Variants in B3GAT2 observed in about 807,000 individuals in gnomAD.
B3GAT2 encodes the protein beta-1,3-glucuronyltransferase 2.
In B3GAT2, 26 loss-of-function variants were observed where a neutral mutation model predicts 27.8. The observed-to-expected ratio is 0.93, with a 90% confidence interval of 0.68 to 1.30. The LOEUF (loss-of-function observed/expected upper bound fraction) is 1.30. B3GAT2 is among the 50% of genes most tolerant of loss of function. The pLI, the probability that B3GAT2 is intolerant of heterozygous loss-of-function variation, is 0.00. For synonymous variants in B3GAT2, 218 were observed against 195.1 expected (o/e 1.12, Z -0.98); for missense variants, 458 against 459.0 (o/e 1.00, Z 0.02).
At chr6:70,944,901 C>G (rs144002093) in intron 1 of B3GAT2, among the ~76,000 whole-genome samples, 12,185 of 152,246 alleles carry the variant, frequency 0.08, 596 homozygotes, top group Non-Finnish European at 0.11. Flanking sequence ...CAGAAAGCAG[C>G]ATTCGCGGTT....
rs1424604053 is a variant in B3GAT2, at chr6:70,856,883, G to A, written c.*4780C>T. The A allele has an allele frequency of 1.5e-5, 24 of 1,613,128 alleles. No homozygotes were observed. Among genetic ancestry groups the A allele is most frequent in the Non-Finnish European group, 2.0e-5 (24 of 1,179,418 alleles). ...GGGGACACCCTCTGCACCAGCAGCT[G>A]CAACCCTGTCTACAGTAACATCTGG... On this transcript the variant is annotated 3_prime_UTR_variant, in exon 4 of 4. Coordinates refer to ENST00000230053, the MANE Select transcript of B3GAT2 (RefSeq NM_080742.3).
At chr6:70,910,168 C>T (rs533951586) in intron 1 of B3GAT2, among the ~76,000 whole-genome samples, 18 of 152,146 alleles carry the variant, frequency 1.2e-4, no homozygotes, top group South Asian at 2.1e-4. Flanking sequence ...CCACTGTGCC[C>T]GGCCCCTCTT....
At position 70,956,412 on chromosome 6, in the gene B3GAT2, G is replaced by A. The variant is rs1765659057; in HGVS notation, c.18C>T (p.Phe6=). 6.4e-7 allele frequency: 1 copy of A among 1,551,488 alleles called. No individual in the cohort carries two copies. Among genetic ancestry groups the A allele is most frequent in the African/African-American group, 1.4e-5 (1 of 73,054 alleles). The part of the protein sequence containing the change: MKSAL[F]TRFFILLPWI... ...AGGGCAGGAGGATAAAGAAGCGGGT[G>A]AAAAGCGCGGACTTCATGGTGCACG... is the stretch of plus-strand genomic sequence containing the variant. The change falls in exon 1 of 4, where the codon TTC becomes TTT. Residue 6 remains phenylalanine (F), a synonymous_variant. Coordinates refer to ENST00000230053, the MANE Select transcript of B3GAT2 (RefSeq NM_080742.3).
rs78952882 is a variant in B3GAT2, at chr6:70,902,363, G to A, written c.592-8091C>T. ...AAAAAAAAGTAGATGTGGAGAAAGA[G>A]GGACCCTTGTACATGGTTGGTAGAA... On this transcript the variant is annotated intron_variant, in intron 1 of 3. Coordinates refer to ENST00000230053, the MANE Select transcript of B3GAT2 (RefSeq NM_080742.3). Among the ~76,000 whole-genome samples the A allele has an allele frequency of 3.6e-3, 542 of 152,116 alleles. 16 individuals carry two copies. In the East Asian group the frequency reaches 0.092, roughly 26 times the overall value.
At chr6:70,879,167 G>A (rs758453818) in intron 2 of B3GAT2, among the ~76,000 whole-genome samples, 12 of 151,150 alleles carry the variant, frequency 7.9e-5, no homozygotes, top group African/African-American at 1.7e-4. Context: ...TGGCTAAAGC[G>A]CTTTCCTTAA....
chr6:70,873,358 T>G (rs1771966825), intron 2 of B3GAT2, among the ~76,000 whole-genome samples: 1 of 144,470 alleles, frequency 6.9e-6, no homozygotes, highest in South Asian at 2.2e-4. Context: ...CTTTTTTTCC[T>G]TCCAGTACTT....
chr6:70,924,025 G>A (rs1014475928), intron 1 of B3GAT2, among the ~76,000 whole-genome samples: 2 of 152,096 alleles, frequency 1.3e-5, no homozygotes, highest in African/African-American at 4.8e-5. Flanking sequence ...TGTACTTAAT[G>A]GGTACAATGG....
At chr6:70,930,806 C>T (rs1773049534) in intron 1 of B3GAT2, among the ~76,000 whole-genome samples, 1 of 152,144 alleles carries the variant, frequency 6.6e-6, no homozygotes, top group African/African-American at 2.4e-5. Context: ...ACTAGAAATA[C>T]CATTTGACCC....
chr6:70,952,086 CAA>C (rs1765587166), intron 1 of B3GAT2, among the ~76,000 whole-genome samples: 1 of 152,026 alleles, frequency 6.6e-6, no homozygotes, highest in Non-Finnish European at 1.5e-5. Context: ...GGAAAGCACA[CAA>C]ATACTTCTGA....
chr6:70,950,651 G>C (rs1251557433), intron 1 of B3GAT2, among the ~76,000 whole-genome samples: 1 of 152,136 alleles, frequency 6.6e-6, no homozygotes, highest in South Asian at 2.1e-4. Flanking sequence ...ATAGATCAGA[G>C]GTAAACAACT....
chr6:70,861,760 A>G lies in B3GAT2; in HGVS notation c.886-11T>C, dbSNP rs1266639003. ...GTGCCACACGAGAACCTGAAGGGGA[A>G]GGAAATAGCTTGGGTAGCGCACTCT... On this transcript the variant is annotated splice_polypyrimidine_tract_variant and intron_variant, in intron 3 of 3. Coordinates refer to ENST00000230053, the MANE Select transcript of B3GAT2 (RefSeq NM_080742.3). 4.3e-6 allele frequency: 7 copies of G among 1,613,978 alleles called. No individual in the cohort carries two copies. The highest frequency in any genetic ancestry group is 5.9e-6 in the Non-Finnish European group (7 of 1,179,972).
rs570801871 is a variant in B3GAT2, at chr6:70,955,450, C to T, written c.591+389G>A. 1.4e-3 allele frequency among the ~76,000 whole-genome samples: 167 copies of T among 120,404 alleles called. 2 individuals are homozygous for T. The highest frequency in any genetic ancestry group is 5.0e-3 in the African/African-American group (163 of 32,598). 79.0% of individuals were successfully genotyped at this position (120,404 alleles called of 152,430 possible). ...CCCTCCACCGCCACCCGCTACGGTG[C>T]AGGTCCCTCCCTGATCTCCTATCGC... On this transcript the variant is annotated intron_variant, in intron 1 of 3. Transcript: ENST00000230053.
rs539104208 is a variant in B3GAT2 at position 70,863,152 on chromosome 6, A to AC, written c.737-1175dup. 1.2e-4 allele frequency among the ~76,000 whole-genome samples: 18 copies of AC among 152,264 alleles called. No homozygotes were observed. In the East Asian group the frequency reaches 3.1e-3, roughly 26 times the overall value. On this transcript the variant is annotated intron_variant, in intron 2 of 3. Transcript: ENST00000230053. Reference sequence around the variant, plus strand: ...CTAAGGTGATACTGTCAAGTCAGGCACCCTCCCAGAGTTGAAGCTCCGGGC... The same window carrying AC: ...CTAAGGTGATACTGTCAAGTCAGGCACCCCTCCCAGAGTTGAAGCTCCGGGC...
intron 1 of B3GAT2, among the ~76,000 whole-genome samples, chr6:70,945,924 TC>T (rs1765475064): frequency 1.3e-5 from 2 of 151,792 alleles, no homozygotes; most frequent in African/African-American, 4.8e-5. Context: ...TATTCAACAA[TC>T]TTAAAGAAAA....
At chr6:70,868,690 G>T (rs1246553401) in intron 2 of B3GAT2, among the ~76,000 whole-genome samples, 1 of 152,068 alleles carries the variant, frequency 6.6e-6, no homozygotes, top group African/African-American at 2.4e-5. Context: ...GTTACCAATA[G>T]CTATCAGGTA....
intron 1 of B3GAT2, among the ~76,000 whole-genome samples, chr6:70,937,788 C>G (rs1403737645): frequency 6.6e-6 from 1 of 152,102 alleles, no homozygotes; most frequent in African/African-American, 2.4e-5. Flanking sequence ...AAGCCCACAG[C>G]CAATATCATA....
chr6:70,920,171 G>A (rs957026579), intron 1 of B3GAT2, among the ~76,000 whole-genome samples: 12 of 152,308 alleles, frequency 7.9e-5, no homozygotes, highest in South Asian at 6.2e-4. Flanking sequence ...ATCCCAGGTC[G>A]ATCTCAGACT....
rs191475139 is a variant in B3GAT2, at chr6:70,902,788, C to T, written c.592-8516G>A. 1.4e-4 allele frequency among the ~76,000 whole-genome samples: 22 copies of T among 151,958 alleles called. No homozygotes were observed. The East Asian group carries it at 4.1e-3, about 28-fold the overall frequency. On this transcript the variant is annotated intron_variant, in intron 1 of 3. Transcript: ENST00000230053. Reference sequence around the variant, plus strand: ...ATTATGCTAAGTAAAATTCACCAGGCTAAGAAACACAAATACCAATGGTCT... The same window carrying T: ...ATTATGCTAAGTAAAATTCACCAGGTTAAGAAACACAAATACCAATGGTCT...
intron 1 of B3GAT2, among the ~76,000 whole-genome samples, chr6:70,917,020 T>C (rs573538994): frequency 1.2e-4 from 18 of 152,310 alleles, no homozygotes; most frequent in African/African-American, 3.6e-4. Context: ...TGTGAGTCTG[T>C]CTGGTCCTGG....
Sources: allele counts gnomAD v4.1 joint callset (sites outside exome capture counted in the v4.1 genomes callset), GRCh38; gene constraint gnomAD v4.1.1; transcripts MANE v1.5; gene names NCBI Gene and HGNC (gene_info 2026-07-23, HGNC 2026-07-21).